SDCCAG8: variants seen among roughly 807,000 people sequenced by gnomAD.
SDCCAG8 encodes serologically defined colon cancer antigen 8.
In SDCCAG8, 74 loss-of-function variants were observed where a neutral mutation model predicts 101.8. The ratio of observed to expected loss-of-function variants is 0.73; its 90% CI spans 0.60 to 0.88. SDCCAG8 has a LOEUF of 0.88. Ranked by LOEUF, SDCCAG8 falls within the 40% of genes least tolerant of loss-of-function variation. The pLI is 0.00. For synonymous variants in SDCCAG8, 281 were observed against 292.9 expected (o/e 0.96, Z 0.41); for missense variants, 787 against 822.6 (o/e 0.96, Z 0.53).
At chr1:243,459,109 C>T (rs967720945) in intron 16 of SDCCAG8, among the ~76,000 whole-genome samples, 7 of 152,194 alleles carry the variant, frequency 4.6e-5, no homozygotes, top group African/African-American at 1.7e-4. Flanking sequence ...TTGGTAAAGC[C>T]TTTCCTTCCC....
chr1:243,312,706 CAAAA>C (rs34803859), intron 8 of SDCCAG8, among the ~76,000 whole-genome samples: 2 of 99,186 alleles, frequency 2.0e-5, no homozygotes. Flanking sequence ...AACCTGTCTC[CAAAA>C]AAAAAAAAAA....
At chr1:243,433,691 A>T (rs944120411) in intron 16 of SDCCAG8, among the ~76,000 whole-genome samples, 2 of 152,120 alleles carry the variant, frequency 1.3e-5, no homozygotes, top group African/African-American at 4.8e-5. Context: ...AAAAACTTCC[A>T]CTGCCCCTGG....
intron 16 of SDCCAG8, among the ~76,000 whole-genome samples, chr1:243,443,731 G>A (rs982939880): frequency 9.9e-5 from 15 of 152,106 alleles, no homozygotes; most frequent in Non-Finnish European, 2.2e-4. Context: ...TTTGGCTTCC[G>A]CTTGCTGTGT....
chr1:243,480,724 G>T (rs1663499085), intron 16 of SDCCAG8, among the ~76,000 whole-genome samples: 1 of 137,484 alleles, frequency 7.3e-6, no homozygotes, highest in Non-Finnish European at 1.6e-5. Flanking sequence ...TGGATGGGTG[G>T]GATGGATGAA....
intron 8 of SDCCAG8, among the ~76,000 whole-genome samples, chr1:243,311,235 C>T (rs117403983): frequency 6.6e-6 from 1 of 151,916 alleles, no homozygotes; most frequent in East Asian, 1.9e-4. Flanking sequence ...GTATGAAAAA[C>T]GGAAGTAGTT....
At chr1:243,353,399 G>A (rs964270819) in intron 12 of SDCCAG8, among the ~76,000 whole-genome samples, 8 of 145,228 alleles carry the variant, frequency 5.5e-5, no homozygotes, top group Admixed American at 2.2e-4. Flanking sequence ...ACTGAGGCAG[G>A]AGAATTGCTT....
At chr1:243,328,986 A>C (rs142801560) in intron 9 of SDCCAG8, among the ~76,000 whole-genome samples, 1 of 152,182 alleles carries the variant, frequency 6.6e-6, no homozygotes, top group Non-Finnish European at 1.5e-5. Flanking sequence ...CGTTTTGTCT[A>C]TTCATACCAG....
intron 16 of SDCCAG8, among the ~76,000 whole-genome samples, chr1:243,480,878 G>GGGAT (rs1289309435): frequency 7.6e-6 from 1 of 130,836 alleles, no homozygotes; most frequent in Non-Finnish European, 1.7e-5. Context: ...ATGGATGGGT[G>GGGAT]GGATGGATGG....
chr1:243,410,172 C>CTA (rs1212707067), intron 13 of SDCCAG8, among the ~76,000 whole-genome samples: 58 of 152,262 alleles, frequency 3.8e-4, no homozygotes, highest in African/African-American at 1.4e-3. Context: ...AGTGATGTCA[C>CTA]TTTGGTAGCT....
Position 243,474,052 on chromosome 1 carries a change from T to C in SDCCAG8, c.1986-14962T>C, listed in dbSNP as rs1308410511. On this transcript the variant is annotated intron_variant, in intron 16 of 17. Coordinates refer to ENST00000366541, the MANE Select transcript of SDCCAG8 (RefSeq NM_006642.5). The surrounding 1 kb of genome is among the most constrained non-coding windows in gnomAD (Gnocchi z 4.7). Reference sequence around the variant, plus strand: ...AACGGGTTGCAGTATTTCTTTGGCCTATTAGCCAAGATTTTTTTTTTCCTG... The same window carrying C: ...AACGGGTTGCAGTATTTCTTTGGCCCATTAGCCAAGATTTTTTTTTTCCTG... Among the ~76,000 whole-genome samples the C allele has an allele frequency of 6.6e-6, 1 of 152,026 alleles. No homozygotes were observed. Among genetic ancestry groups the C allele is most frequent in the African/African-American group, 2.4e-5 (1 of 41,400 alleles).
intron 9 of SDCCAG8, among the ~76,000 whole-genome samples, chr1:243,329,377 T>C (rs1247303691): frequency 6.6e-6 from 1 of 152,156 alleles, no homozygotes; most frequent in Non-Finnish European, 1.5e-5. Context: ...GAGAGGAAAA[T>C]TCACATATCC....
chr1:243,395,922 A>G lies in SDCCAG8; in HGVS notation c.1616+17059A>G, dbSNP rs1480156648. On this transcript the variant is annotated intron_variant, in intron 13 of 17. Coordinates refer to ENST00000366541, the MANE Select transcript of SDCCAG8 (RefSeq NM_006642.5). ...AAATTTTACAGACTTGATTGATTTT[A>G]CTTGATACAAGCATCTGCCATAAGA... 9.2e-5 allele frequency among the ~76,000 whole-genome samples: 14 copies of G among 152,192 alleles called. No individual in the cohort carries two copies. The East Asian group carries it at 2.7e-3, about 29-fold the overall frequency.
At chr1:243,330,881 T>G (rs1166573371) in intron 10 of SDCCAG8, among the ~76,000 whole-genome samples, 189 bp downstream of exon 10, 1 of 152,224 alleles carries the variant, frequency 6.6e-6, no homozygotes, top group Non-Finnish European at 1.5e-5. Context: ...CTCAATAGTT[T>G]ATGCTGATCT....
intron 4 of SDCCAG8, among the ~76,000 whole-genome samples, chr1:243,284,201 A>G (rs1413381096): frequency 1.3e-5 from 2 of 152,214 alleles, no homozygotes; most frequent in Non-Finnish European, 2.9e-5. Flanking sequence ...CATATTTGGT[A>G]AAAGGAACTG....
At chr1:243,372,849 T>C (rs947135970) in intron 12 of SDCCAG8, among the ~76,000 whole-genome samples, 21 of 147,640 alleles carry the variant, frequency 1.4e-4, no homozygotes, top group African/African-American at 4.0e-4. Context: ...TAAAAAAAAA[T>C]TATCTGGGTA....
At chr1:243,415,324 A>T (rs2080497610) in intron 13 of SDCCAG8, among the ~76,000 whole-genome samples, 1 of 152,168 alleles carries the variant, frequency 6.6e-6, no homozygotes, top group African/African-American at 2.4e-5. Context: ...TAAGAATTTA[A>T]GTTTTGTTCC....
chr1:243,427,332 A>AT (rs755483379), intron 16 of SDCCAG8, among the ~76,000 whole-genome samples: 62 of 149,442 alleles, frequency 4.1e-4, no homozygotes, highest in South Asian at 6.4e-4. Context: ...AGTAATGGGG[A>AT]TTTTTTTTTT....
intron 1 of SDCCAG8, among the ~76,000 whole-genome samples, chr1:243,268,813 A>G (rs934052077): frequency 6.6e-6 from 1 of 152,188 alleles, no homozygotes; most frequent in Admixed American, 6.5e-5. Flanking sequence ...ATTTTTATAC[A>G]TGGTTGGTAA....
intron 16 of SDCCAG8, among the ~76,000 whole-genome samples, chr1:243,459,278 G>A (rs895416168): frequency 1.3e-5 from 2 of 152,242 alleles, no homozygotes; most frequent in African/African-American, 4.8e-5. Flanking sequence ...ACAGTCCTAG[G>A]AGGGAAAGCT....
Sources: gnomAD v4.1 joint callset for allele counts (sites outside exome capture counted in the v4.1 genomes callset) on GRCh38, gnomAD v4.1.1 for gene constraint, Gnocchi (gnomAD v3.1) non-coding constraint, MANE v1.5 for transcripts, NCBI Gene and HGNC (gene_info 2026-07-23, HGNC 2026-07-21) for gene names.